The following PTBP3 variants were observed in gnomAD, a reference collection of about 807,000 sequenced individuals.
PTBP3 encodes polypyrimidine tract binding protein 3, also known as polypyrimidine tract-binding protein 3.
Under a neutral mutation model 58.7 loss-of-function variants are expected in PTBP3, and 20 were observed. The ratio of observed to expected loss-of-function variants is 0.34; its 90% CI spans 0.24 to 0.50. The LOEUF is 0.50. Ranked by LOEUF, PTBP3 falls within the 20% of genes least tolerant of loss-of-function variation. The pLI is 0.98. For missense variants in PTBP3, 509 were observed against 637.2 expected (o/e 0.80, Z 2.17); for synonymous variants, 185 against 219.8 (o/e 0.84, Z 1.40).
At chr9:112,333,204 TC>T (rs1186940672) in intron 1 of PTBP3, among the ~76,000 whole-genome samples, 1 of 151,774 alleles carries the variant, frequency 6.6e-6, no homozygotes, top group Non-Finnish European at 1.5e-5. Flanking sequence ...TTTCCTCTGC[TC>T]CCGGGTGTGT....
At chr9:112,255,934 A>G (rs1564409406) in intron 5 of PTBP3, among the ~76,000 whole-genome samples, 1 of 152,034 alleles carries the variant, frequency 6.6e-6, no homozygotes, top group Non-Finnish European at 1.5e-5. Flanking sequence ...ATTTTTCTTG[A>G]GTTGTATCTA....
rs1827919170 is a variant in PTBP3, at chr9:112,282,630, TAA to T, written c.35-6619_35-6618del. ...GTGACAACTTCTTTGATCAATGGGT[TAA>T]GTTTATTTTTATTTTTTTTTTTACT... On this transcript the variant is annotated intron_variant, in intron 2 of 13. Transcript: ENST00000374257. 2.6e-5 allele frequency among the ~76,000 whole-genome samples: 4 copies of T among 152,322 alleles called. No individual in the cohort carries two copies. In the East Asian group the frequency reaches 7.7e-4, roughly 29 times the overall value.
At chr9:112,331,822 T>C (rs1830389976) in intron 1 of PTBP3, among the ~76,000 whole-genome samples, 1 of 152,206 alleles carries the variant, frequency 6.6e-6, no homozygotes, top group Non-Finnish European at 1.5e-5. Context: ...AAAAGTAAGT[T>C]TGCACTTCAC....
At chr9:112,359,672 A>G in the PTBP3 span, among the ~76,000 whole-genome samples, 1 of 152,072 alleles carries the variant, frequency 6.6e-6, no homozygotes, top group African/African-American at 2.4e-5. Flanking sequence ...GCATGGTGGC[A>G]GGTGCCTGTA....
At chr9:112,307,382 G>C (rs956742138) in intron 1 of PTBP3, among the ~76,000 whole-genome samples, 5 of 152,088 alleles carry the variant, frequency 3.3e-5, no homozygotes, top group Non-Finnish European at 7.4e-5. Context: ...TGAGCCAGGA[G>C]GTCGAGGTTC....
intron 7 of PTBP3, among the ~76,000 whole-genome samples, chr9:112,235,693 T>C (rs775847646): frequency 6.6e-6 from 1 of 152,130 alleles, no homozygotes; most frequent in Non-Finnish European, 1.5e-5. Context: ...ACACATAAAT[T>C]TGTGAATTAC....
Position 112,218,633 on chromosome 9 carries a change from C to T in PTBP3, c.*5218G>A, listed in dbSNP as rs909488341. 2.6e-5 allele frequency: 4 copies of T among 152,722 alleles called. No homozygotes were observed. In the East Asian group the frequency reaches 5.8e-4, roughly 22 times the overall value. The allele number at this position is 152,722 out of a possible 1,614,324, so 9.5% of individuals were successfully genotyped here. A position where few individuals can be genotyped will look rare whatever the true frequency, so the allele number is the denominator to read the frequency against. On this transcript the variant is annotated 3_prime_UTR_variant, in exon 14 of 14. Coordinates refer to ENST00000374257, the MANE Select transcript of PTBP3 (RefSeq NM_001163788.4). Reference sequence around the variant, plus strand: ...GAAAATATGTTTTTTAATATTTTATCTTCTCTTTGCATTTATAACATAATT... The same window carrying T: ...GAAAATATGTTTTTTAATATTTTATTTTCTCTTTGCATTTATAACATAATT...
the PTBP3 span, among the ~76,000 whole-genome samples, chr9:112,376,691 G>T: frequency 6.6e-6 from 1 of 152,192 alleles, no homozygotes; most frequent in Non-Finnish European, 1.5e-5. Flanking sequence ...ACGCACAGGA[G>T]AAGGATGTAG....
chr9:112,336,819 C>G (rs1329719537), upstream of PTBP3, among the ~76,000 whole-genome samples: 1 of 152,042 alleles, frequency 6.6e-6, no homozygotes, highest in Non-Finnish European at 1.5e-5. Flanking sequence ...ATTTATTGTT[C>G]ATACTAACAA....
intron 5 of PTBP3, among the ~76,000 whole-genome samples, chr9:112,253,859 TGAG>T (rs1836237399): frequency 6.6e-6 from 1 of 152,194 alleles, no homozygotes; most frequent in Non-Finnish European, 1.5e-5. Flanking sequence ...TGCAGAACTG[TGAG>T]TCAATTAAAC....
At chr9:112,376,217 G>A in the PTBP3 span, among the ~76,000 whole-genome samples, 43 of 137,312 alleles carry the variant, frequency 3.1e-4, no homozygotes, top group Admixed American at 3.0e-3. Context: ...GTGTGTGTGT[G>A]TGTGTGTGTG....
chr9:112,237,098 T>G (rs570376345), intron 7 of PTBP3, among the ~76,000 whole-genome samples: 1 of 152,274 alleles, frequency 6.6e-6, no homozygotes, highest in East Asian at 1.9e-4. Flanking sequence ...ATAACTATCA[T>G]AGAACATTAA....
At chr9:112,230,353 G>A (rs1274193928) in intron 10 of PTBP3, among the ~76,000 whole-genome samples, 1 of 144,008 alleles carries the variant, frequency 6.9e-6, no homozygotes, top group Non-Finnish European at 1.5e-5. Context: ...AAATTTGGAA[G>A]CAGTTTTCTA....
At chr9:112,228,515 T>C (rs1445460482) in intron 10 of PTBP3, 43 bp from the exon 11 acceptor site, 4 of 1,353,588 alleles carry the variant, frequency 3.0e-6, no homozygotes, top group Middle Eastern at 1.9e-4. Context: ...CGTCTGATTG[T>C]GTTGTGTTTA....
chr9:112,316,750 A>G (rs1361169489), intron 1 of PTBP3, among the ~76,000 whole-genome samples: 2 of 148,890 alleles, frequency 1.3e-5, no homozygotes, highest in Non-Finnish European at 3.0e-5. Flanking sequence ...TTAATCATTT[A>G]ATGCTAAGGT....
chr9:112,255,887 A>G (rs1358123049), intron 5 of PTBP3, among the ~76,000 whole-genome samples: 1 of 152,172 alleles, frequency 6.6e-6, no homozygotes, highest in Non-Finnish European at 1.5e-5. Flanking sequence ...CAATGCCACC[A>G]TAAAATTCTC....
intron 1 of PTBP3, among the ~76,000 whole-genome samples, chr9:112,330,912 A>C (rs1044086488): frequency 2.0e-5 from 3 of 152,224 alleles, no homozygotes; most frequent in African/African-American, 7.2e-5. Context: ...GCAAATCTGC[A>C]TTTACCACCC....
intron 7 of PTBP3, among the ~76,000 whole-genome samples, chr9:112,240,750 T>C (rs551513078): frequency 6.6e-6 from 1 of 152,132 alleles, no homozygotes; most frequent in African/African-American, 2.4e-5. Context: ...GACAGCTTCA[T>C]GCATGTTTAC....
the PTBP3 span, among the ~76,000 whole-genome samples, chr9:112,377,980 T>C: frequency 4.6e-5 from 7 of 152,236 alleles, no homozygotes; most frequent in African/African-American, 1.7e-4. Flanking sequence ...ATTACATTAC[T>C]ATGGGCTTTT....
Sources: gnomAD v4.1 joint callset for allele counts (sites outside exome capture counted in the v4.1 genomes callset) on GRCh38, gnomAD v4.1.1 for gene constraint, MANE v1.5 for transcripts, NCBI Gene and HGNC (gene_info 2026-07-23, HGNC 2026-07-21) for gene names.